The following ANKS6 variants were observed in gnomAD, a reference collection of about 807,000 sequenced individuals.
The protein encoded by ANKS6 is ankyrin repeat and sterile alpha motif domain containing 6.
In ANKS6, 47 loss-of-function variants were observed where a neutral mutation model predicts 77.9. The ratio of observed to expected loss-of-function variants is 0.60; its 90% CI spans 0.48 to 0.77. The LOEUF is 0.77. Among genes scored for constraint, ANKS6 ranks in the 30% least tolerant of loss-of-function variants. ANKS6 has a pLI of 0.00. For missense variants in ANKS6, 1,150 were observed against 1,159.1 expected (o/e 0.99, Z 0.11); for synonymous variants, 488 against 501.7 (o/e 0.97, Z 0.37).
rs1422193533 is a variant in ANKS6 at position 98,735,227 on chromosome 9, C to T, written c.*1292G>A. Reference sequence around the variant, plus strand: ...TTCATCTGAACTTTGAACCTGAGTCCAGAGCACAAGGTCTGCCCACTCTAC... The same window carrying T: ...TTCATCTGAACTTTGAACCTGAGTCTAGAGCACAAGGTCTGCCCACTCTAC... On this transcript the variant is annotated 3_prime_UTR_variant, in exon 15 of 15. Coordinates refer to ENST00000353234, the MANE Select transcript of ANKS6 (RefSeq NM_173551.5). The T allele has an allele frequency of 1.0e-6, 1 of 986,468 alleles. No individual in the cohort carries two copies. The highest frequency in any genetic ancestry group is 1.7e-5 in the African/African-American group (1 of 57,272). The allele number at this position is 986,468 out of a possible 1,614,324, so 61.1% of individuals were successfully genotyped here. A position where few individuals can be genotyped will look rare whatever the true frequency, so the allele number is the denominator to read the frequency against.
At chr9:98,752,648 T>G (rs977057835) in intron 12 of ANKS6, among the ~76,000 whole-genome samples, 2 of 152,218 alleles carry the variant, frequency 1.3e-5, no homozygotes, top group African/African-American at 4.8e-5. Context: ...ATCCTATTAC[T>G]GTCCCCATTT....
chr9:98,789,286 A>G (rs867220151), intron 2 of ANKS6, among the ~76,000 whole-genome samples: 6 of 152,092 alleles, frequency 3.9e-5, no homozygotes, highest in African/African-American at 1.4e-4. Flanking sequence ...GGCCTTTTAC[A>G]TAGACAGAGG....
intron 11 of ANKS6, among the ~76,000 whole-genome samples, chr9:98,759,443 A>G (rs1466417700): frequency 6.6e-6 from 1 of 152,200 alleles, no homozygotes; most frequent in East Asian, 1.9e-4. Context: ...ATCCAAACAC[A>G]GCATCAAATC....
chr9:98,787,731 T>C (rs950364029), intron 2 of ANKS6, among the ~76,000 whole-genome samples: 1 of 152,136 alleles, frequency 6.6e-6, no homozygotes, highest in Non-Finnish European at 1.5e-5. Flanking sequence ...TATGACTATC[T>C]TATGAAAAAA....
At chr9:98,767,970 T>C (rs1219440258) in intron 11 of ANKS6, 111 bp downstream of exon 11, 17 of 1,389,910 alleles carry the variant, frequency 1.2e-5, no homozygotes, top group Non-Finnish European at 1.6e-5. Context: ...GGAAGGGGCC[T>C]GTCTTTAGTC....
intron 11 of ANKS6, among the ~76,000 whole-genome samples, chr9:98,765,208 A>G (rs373944790): frequency 1.3e-5 from 2 of 152,246 alleles, no homozygotes. Context: ...CCACAGATCT[A>G]TTCCAGCCAA....
chr9:98,738,159 C>T (rs1191919797), intron 14 of ANKS6, among the ~76,000 whole-genome samples: 2 of 152,144 alleles, frequency 1.3e-5, no homozygotes, highest in Non-Finnish European at 2.9e-5. Context: ...AAAAACCCTT[C>T]TATACACTGG....
Position 98,736,760 on chromosome 9 carries a change from C to T in ANKS6, c.2512-137G>A, listed in dbSNP as rs542554021. The stretch of plus-strand genomic sequence containing the variant: ...GTCTTGGGGAAAATAAATTACCTAA[C>T]TGAAAGAGTACCGAGTTCAATAAAA... On this transcript the variant is annotated intron_variant, in intron 14 of 14. Coordinates refer to ENST00000353234, the MANE Select transcript of ANKS6 (RefSeq NM_173551.5). 810 of 1,100,892 alleles carry T rather than the reference C, an allele frequency of 7.4e-4. 3 individuals are homozygous for T. In the African/African-American group the frequency reaches 8.0e-3, roughly 11 times the overall value. The allele number at this position is 1,100,892 out of a possible 1,614,324, so 68.2% of individuals were successfully genotyped here.
chr9:98,771,694 C>T (rs1465177485), intron 9 of ANKS6, among the ~76,000 whole-genome samples: 1 of 152,090 alleles, frequency 6.6e-6, no homozygotes, highest in Non-Finnish European at 1.5e-5. Flanking sequence ...ATGGACCCGG[C>T]GGCTCCCCCC....
intron 2 of ANKS6, among the ~76,000 whole-genome samples, chr9:98,786,582 A>T (rs1834582945): frequency 6.6e-6 from 1 of 152,038 alleles, no homozygotes; most frequent in Non-Finnish European, 1.5e-5. Flanking sequence ...GAGCCACCAC[A>T]CCTGGCCAGA....
At position 98,774,093 on chromosome 9, in the gene ANKS6, G is replaced by C; in HGVS notation, c.1618-13C>G. The C allele has an allele frequency of 2.1e-6, 3 of 1,451,066 alleles. No individual in the cohort carries two copies. The highest frequency in any genetic ancestry group is 2.7e-6 in the Non-Finnish European group (3 of 1,095,724). The allele number at this position is 1,451,066 out of a possible 1,614,324, so 89.9% of individuals were successfully genotyped here. ...CTCCGTTTCGAAGCTGAAAAAGACA[G>C]GCTGAGGGTTAGACAAGCCCCCAGG... On this transcript the variant is annotated splice_polypyrimidine_tract_variant and intron_variant, in intron 8 of 14. Coordinates refer to ENST00000353234, the MANE Select transcript of ANKS6 (RefSeq NM_173551.5).
chr9:98,736,355 A>G lies in ANKS6; in HGVS notation c.*164T>C. On this transcript the variant is annotated 3_prime_UTR_variant, in exon 15 of 15. Coordinates refer to ENST00000353234, the MANE Select transcript of ANKS6 (RefSeq NM_173551.5). ...CTGTGTGTTGAAGTTTGTTGCAGCA[A>G]GAAGTACTACCAATGAATGCCGTCG... 1.4e-6 allele frequency: 2 copies of G among 1,425,662 alleles called. No individual in the cohort carries two copies. The highest frequency in any genetic ancestry group is 9.1e-7 in the Non-Finnish European group (1 of 1,093,742). 88.3% of individuals were successfully genotyped at this position (1,425,662 alleles called of 1,614,324 possible). A position where few individuals can be genotyped will look rare whatever the true frequency, so the allele number is the denominator to read the frequency against.
rs770988126 is a variant in ANKS6 at position 98,773,968 on chromosome 9, G to T, written c.1730C>A (p.Thr577Lys). The T allele has an allele frequency of 1.2e-6, 2 of 1,600,460 alleles. No homozygotes were observed. Among genetic ancestry groups the T allele is most frequent in the South Asian group, 1.1e-5 (1 of 89,478 alleles). ...GGGGTCTGCCTTCCCGTTGTGACGC[G>T]TCCGGGACCGATCAGAGCTCCACAG... ...FELWSSDRSR[T>K]RHNGKADPMK... The change falls in exon 9 of 15, where the codon ACG becomes AAG. Residue 577 changes from threonine to lysine, a missense_variant. Transcript: ENST00000353234.
intron 8 of ANKS6, among the ~76,000 whole-genome samples, chr9:98,775,613 T>C (rs1247007574): frequency 7.2e-6 from 1 of 139,542 alleles, no homozygotes; most frequent in Non-Finnish European, 1.6e-5. Context: ...TAGTAAAAGC[T>C]ATGGTATTTG....
At chr9:98,769,875 CCT>C (rs1305430713) in intron 10 of ANKS6, among the ~76,000 whole-genome samples, 2 of 152,088 alleles carry the variant, frequency 1.3e-5, no homozygotes, top group Admixed American at 1.3e-4. Context: ...AATTATTGTG[CCT>C]TTTTATAAAT....
chr9:98,733,005 C>A lies in ANKS6; in HGVS notation c.*3514G>T, dbSNP rs935290762. 1.8e-5 allele frequency: 17 copies of A among 943,470 alleles called. No homozygotes were observed. The highest frequency in any genetic ancestry group is 2.2e-5 in the Non-Finnish European group (17 of 784,198). 58.4% of individuals were successfully genotyped at this position (943,470 alleles called of 1,614,324 possible). ...TCCTCTGGGGCGTGCCCAGGCTGAG[C>A]CTGAGCCATCATCGATGACTTTCCC... On this transcript the variant is annotated 3_prime_UTR_variant, in exon 15 of 15. Transcript: ENST00000353234.
At position 98,735,370 on chromosome 9, in the gene ANKS6, C is replaced by T; in HGVS notation, c.*1149G>A. The T allele has an allele frequency of 9.3e-7, 1 of 1,077,352 alleles. No homozygotes were observed. Among genetic ancestry groups the T allele is most frequent in the African/African-American group, 1.6e-5 (1 of 60,952 alleles). 66.7% of individuals were successfully genotyped at this position (1,077,352 alleles called of 1,614,324 possible). A position where few individuals can be genotyped will look rare whatever the true frequency, so the allele number is the denominator to read the frequency against. ...CACCTGGTAGCTAACATAAATGCAA[C>T]AAGCACTGGCTGAATGAGTCATTCA... On this transcript the variant is annotated 3_prime_UTR_variant, in exon 15 of 15. Coordinates refer to ENST00000353234, the MANE Select transcript of ANKS6 (RefSeq NM_173551.5).
At chr9:98,786,866 A>G (rs2118149239) in intron 2 of ANKS6, among the ~76,000 whole-genome samples, 1 of 152,288 alleles carries the variant, frequency 6.6e-6, no homozygotes, top group East Asian at 1.9e-4. Context: ...TGGCCCCAAG[A>G]GGCAGGGGCA....
chr9:98,756,423 C>A lies in ANKS6; in HGVS notation c.2323G>T (p.Glu775Ter), dbSNP rs2117927702. The change falls in exon 12 of 15, where the codon GAG (glutamate) becomes TAG (stop). Residue 775 changes from glutamate to a stop codon, truncating the protein, a stop_gained. Coordinates refer to ENST00000353234, the MANE Select transcript of ANKS6 (RefSeq NM_173551.5). LOFTEE classifies it high-confidence loss of function. ...TTCAGGCCCTCAGGGGACTCACCCT[C>A]ATCTGTGATGGTGCCACTGCTGGAG... Reference protein sequence around the residue: ...GGSSSGTITDEDELTGILKKL... With the variant: ...GGSSSGTITD 1.2e-6 allele frequency: 2 copies of A among 1,612,914 alleles called. No homozygotes were observed. The highest frequency in any genetic ancestry group is 4.5e-5 in the East Asian group (2 of 44,734).
Sources: allele counts gnomAD v4.1 joint callset (sites outside exome capture counted in the v4.1 genomes callset), GRCh38; gene constraint gnomAD v4.1.1; transcripts MANE v1.5; gene names NCBI Gene and HGNC (gene_info 2026-07-23, HGNC 2026-07-21).